Variants in IL5RA observed in about 807,000 individuals in gnomAD.
IL5RA encodes interleukin-5 receptor subunit alpha.
A neutral mutation model predicts 50.0 loss-of-function variants in IL5RA; 49 were observed. The ratio of observed to expected loss-of-function variants is 0.98; its 90% CI spans 0.78 to 1.24. IL5RA has a LOEUF of 1.24. Ranked by LOEUF, IL5RA falls within the 50% of genes most tolerant of loss-of-function variation. IL5RA has a pLI of 0.00. For missense variants in IL5RA, 600 were observed against 500.4 expected, an observed-to-expected ratio of 1.20 and a Z score of -1.90; for synonymous variants, 202 against 174.0, an observed-to-expected ratio of 1.16 and a Z score of -1.26.
rs1208267630 is a variant in IL5RA, at chr3:3,070,214, C to T, written c.*11G>A. 4 of 1,588,816 alleles carry T rather than the reference C, an allele frequency of 2.5e-6. No homozygotes were observed. In the Admixed American group the frequency reaches 5.0e-5, roughly 20 times the overall value. ...CATGTGTGAGTTCATCAGAGGATGC[C>T]AAAGTGACAGTCAAAACACAGAATC... On this transcript the variant is annotated 3_prime_UTR_variant, in exon 12 of 12. Transcript: ENST00000446632.
intron 10 of IL5RA, 44 bp downstream of exon 10, chr3:3,076,487 T>C: frequency 8.3e-7 from 1 of 1,208,574 alleles, no homozygotes; most frequent in Non-Finnish European, 1.2e-6. Context: ...AAAAATGCAG[T>C]ACTGAAACCC....
intron 1 of IL5RA, among the ~76,000 whole-genome samples, chr3:3,109,555 A>C (rs1038994537): frequency 5.9e-5 from 9 of 152,198 alleles, no homozygotes; most frequent in African/African-American, 2.2e-4. Flanking sequence ...TGATGTAAGC[A>C]CTAACAAAAC....
intron 5 of IL5RA, 152 bp from the exon 6 acceptor site, chr3:3,098,442 C>CT: frequency 1.5e-6 from 1 of 687,070 alleles, no homozygotes. Context: ...GAGCCTCACT[C>CT]TGTCACCCAG....
At chr3:3,102,234 G>C (rs1208750888) in intron 4 of IL5RA, among the ~76,000 whole-genome samples, 3 of 152,174 alleles carry the variant, frequency 2.0e-5, no homozygotes, top group Non-Finnish European at 2.9e-5. Context: ...TAAAACTGAG[G>C]CTCTGAGAAG....
At chr3:3,080,444 C>T (rs907540802) in intron 9 of IL5RA, among the ~76,000 whole-genome samples, 6 of 152,196 alleles carry the variant, frequency 3.9e-5, no homozygotes, top group African/African-American at 7.2e-5. Context: ...ACACTGAATA[C>T]ATAGGAGCTT....
rs376285646 is a variant in IL5RA at position 3,092,181 on chromosome 3, C to T, written c.994+43G>A. ...CGTTTCTGGGATTACCTTTTTTGAT[C>T]ACAAGGAAGGCTGCCAATGTAAAAT... On this transcript the variant is annotated intron_variant, in intron 9 of 11. Transcript: ENST00000446632. This position sits in a 1 kb window ranked among gnomAD's most constrained non-coding sequence, Gnocchi z 4.2. 3.4e-5 allele frequency: 54 copies of T among 1,593,186 alleles called. No individual in the cohort carries two copies. Among genetic ancestry groups the T allele is most frequent in the Non-Finnish European group, 4.6e-5 (54 of 1,171,568 alleles).
At chr3:3,077,425 G>C (rs1205323170) in intron 9 of IL5RA, among the ~76,000 whole-genome samples, 2 of 152,178 alleles carry the variant, frequency 1.3e-5, no homozygotes, top group African/African-American at 4.8e-5. Flanking sequence ...GAACTTCTAT[G>C]ATAGCTTTGG....
rs759095165 is a variant in IL5RA at position 3,092,207 on chromosome 3, A to G, written c.994+17T>C. ...ACAAGGAAGGCTGCCAATGTAAAAT[A>G]AACATAAGCTACTTACCCACATAAA... is the stretch of plus-strand genomic sequence containing the variant. On this transcript the variant is annotated intron_variant, in intron 9 of 11. Transcript: ENST00000446632. The surrounding 1 kb of genome is among the most constrained non-coding windows in gnomAD (Gnocchi z 4.2). 4 of 1,606,540 alleles carry G rather than the reference A, an allele frequency of 2.5e-6. No homozygotes were observed. In the Admixed American group the frequency reaches 5.2e-5, roughly 21 times the overall value.
intron 11 of IL5RA, among the ~76,000 whole-genome samples, chr3:3,073,398 T>A (rs1477006953): frequency 1.3e-5 from 2 of 152,214 alleles, no homozygotes; most frequent in Non-Finnish European, 2.9e-5. Flanking sequence ...GCTTGTTGCC[T>A]GTTTTGGAAA....
intron 9 of IL5RA, among the ~76,000 whole-genome samples, chr3:3,088,993 G>A (rs17878557): frequency 6.6e-6 from 1 of 152,118 alleles, no homozygotes; most frequent in African/African-American, 2.4e-5. Flanking sequence ...CCCTCCTGGG[G>A]AACAGAGTGA....
chr3:3,090,159 TA>T, intron 9 of IL5RA: 2 of 1,578,154 alleles, frequency 1.3e-6, no homozygotes, highest in Non-Finnish European at 1.7e-6. Flanking sequence ...AAATAAAAAT[TA>T]AAAAACACAT....
chr3:3,075,804 A>ATGTG (rs1702459227), intron 10 of IL5RA, among the ~76,000 whole-genome samples: 1 of 151,752 alleles, frequency 6.6e-6, no homozygotes, highest in African/African-American at 2.4e-5. Flanking sequence ...GTTTCACCAC[A>ATGTG]TTAGCCAGGG....
chr3:3,076,396 C>T (rs1702484280), intron 10 of IL5RA, 135 bp downstream of exon 10: 2 of 627,182 alleles, frequency 3.2e-6, no homozygotes, highest in Admixed American at 5.9e-5. Flanking sequence ...TCATCTTGGA[C>T]AGGTCATCTA....
chr3:3,098,277 G>A lies in IL5RA; in HGVS notation c.381C>T (p.Thr127=), dbSNP rs113087014. 2.5e-6 allele frequency: 4 copies of A among 1,613,890 alleles called. No individual in the cohort carries two copies. Among genetic ancestry groups the A allele is most frequent in the African/African-American group, 1.3e-5 (1 of 75,032 alleles). ...ELHAPPGSPG[T]SIVNLTCTTN... is the part of the protein sequence containing the mutation. The stretch of plus-strand genomic sequence containing the variant: ...TGGTGCAAGTTAAATTCACAATTGA[G>A]GTTCCAGGAGACCCTAGGTAGTCAA... Residue 127 remains threonine, a synonymous_variant, in exon 6 of 12, where the codon ACC becomes ACT. Coordinates refer to ENST00000446632, the MANE Select transcript of IL5RA (RefSeq NM_175726.4).
intron 4 of IL5RA, 78 bp from the exon 5 acceptor site, chr3:3,101,908 T>C: frequency 7.7e-7 from 1 of 1,290,800 alleles, no homozygotes; most frequent in Middle Eastern, 2.6e-4. Flanking sequence ...AATATGCATT[T>C]TCTTCTACTT....
chr3:3,105,705 A>G (rs1420758485), intron 2 of IL5RA, among the ~76,000 whole-genome samples: 1 of 150,356 alleles, frequency 6.7e-6, no homozygotes, highest in East Asian at 1.9e-4. Flanking sequence ...TAAAGACAGT[A>G]TTTCTATGTC....
rs59813986 is a variant in IL5RA, at chr3:3,069,630, T to TTCTCTCTCTCTCTCTCTCTCTCTCTCTC, written c.*567_*594dup. 124 of 147,064 alleles carry TTCTCTCTCTCTCTCTCTCTCTCTCTCTC rather than the reference T, an allele frequency of 8.4e-4. No individual in the cohort carries two copies. The highest frequency in any genetic ancestry group is 3.0e-3 in the African/African-American group (116 of 39,312). The allele number at this position is 147,064 out of a possible 1,614,324, so 9.1% of individuals were successfully genotyped here. On this transcript the variant is annotated 3_prime_UTR_variant, in exon 12 of 12. Transcript: ENST00000446632. ...TCAGGCCTCTGGAGCTTGAGATAATTTCTCTCTCTCTCTCTCTCTCTCTCT... is the reference window on the plus strand; with the variant it reads ...TCAGGCCTCTGGAGCTTGAGATAATTTCTCTCTCTCTCTCTCTCTCTCTCTCTCTCTCTCTCTCTCTCTCTCTCTCTCT...
chr3:3,082,674 G>C (rs1438800864), intron 9 of IL5RA, among the ~76,000 whole-genome samples: 1 of 152,218 alleles, frequency 6.6e-6, no homozygotes, highest in South Asian at 2.1e-4. Flanking sequence ...TGGGACAGTG[G>C]CAACACAGAG....
chr3:3,095,548 T>A, intron 7 of IL5RA, 104 bp from the exon 8 acceptor site: 1 of 948,012 alleles, frequency 1.1e-6, no homozygotes, highest in Non-Finnish European at 1.6e-6. Context: ...TAAGATACGC[T>A]TTTTTCAAAT....
Sources: allele counts gnomAD v4.1 joint callset (sites outside exome capture counted in the v4.1 genomes callset), GRCh38; gene constraint gnomAD v4.1.1; non-coding constraint Gnocchi (gnomAD v3.1); transcripts MANE v1.5; gene names NCBI Gene and HGNC (gene_info 2026-07-23, HGNC 2026-07-21).